Variants in MAPK1IP1L observed in about 807,000 individuals in gnomAD.
MAPK1IP1L encodes the protein MAPK-interacting and spindle-stabilizing protein-like.
In MAPK1IP1L, 10 loss-of-function variants were observed where a neutral mutation model predicts 18.1. The observed-to-expected ratio is 0.55, with a 90% CI of 0.34 to 0.94. The LOEUF is 0.94. Among genes scored for constraint, MAPK1IP1L ranks in the 40% least tolerant of loss-of-function variants. The pLI is 0.02. For synonymous variants in MAPK1IP1L, 115 were observed against 117.3 expected, an observed-to-expected ratio of 0.98 and a Z score of 0.13; for missense variants, 260 against 318.2, an observed-to-expected ratio of 0.82 and a Z score of 1.39.
chr14:55,060,463 C>T (rs937916116), intron 1 of MAPK1IP1L: 1 of 152,226 alleles, frequency 6.6e-6, no homozygotes, highest in African/African-American at 2.4e-5. Flanking sequence ...GCGTGAGCCA[C>T]TGCACCCGGC....
chr14:55,058,375 A>G (rs1192273239), intron 1 of MAPK1IP1L, among the ~76,000 whole-genome samples: 1 of 152,212 alleles, frequency 6.6e-6, no homozygotes, highest in Non-Finnish European at 1.5e-5. Flanking sequence ...TGAACGAACA[A>G]TTAGAAAATA....
intron 1 of MAPK1IP1L, among the ~76,000 whole-genome samples, chr14:55,055,237 G>T (rs904950400): frequency 2.0e-5 from 3 of 152,172 alleles, no homozygotes; most frequent in African/African-American, 7.2e-5. Flanking sequence ...GAGAAGCTGG[G>T]ATTACAGGTG....
At chr14:55,063,868 T>G (rs2042839862) in intron 3 of MAPK1IP1L, 1 of 152,462 alleles carries the variant, frequency 6.6e-6, no homozygotes, top group Admixed American at 6.5e-5. Context: ...CAGTGTGGGG[T>G]TAACATCTTA....
rs769268479 is a variant in MAPK1IP1L, at chr14:55,062,690, C to A, written c.91C>A (p.Pro31Thr). 1 of 1,614,152 alleles carries A rather than the reference C, an allele frequency of 6.2e-7. No individual in the cohort carries two copies. Residue 31 changes from proline (P) to threonine (T), a missense_variant, in exon 3 of 4, where the codon CCT (proline) becomes ACT (threonine). Pro to Thr is a conservative substitution (Grantham distance 38). Transcript: ENST00000395468. Reference protein sequence around the residue: ...AVSNTKPGQPPQGWPGSNPWN... With the variant: ...AVSNTKPGQPTQGWPGSNPWN... ...GAGCAATACAAAACCTGGCCAACCT[C>A]CTCAAGGCTGGCCAGGCTCCAACCC... is the stretch of plus-strand genomic sequence containing the variant.
rs1049188099 is a variant in MAPK1IP1L, at chr14:55,059,524, C to G, written c.-4-2156C>G. On this transcript the variant is annotated intron_variant, in intron 1 of 3. Transcript: ENST00000395468. Reference sequence around the variant, plus strand: ...CCCAGAAGGTCGAGTCTGCAGTGAGCTTATGATGGTGCCACTGCACTCTGG... The same window carrying G: ...CCCAGAAGGTCGAGTCTGCAGTGAGGTTATGATGGTGCCACTGCACTCTGG... Among the ~76,000 whole-genome samples, 6 of 152,232 alleles carry G rather than the reference C, an allele frequency of 3.9e-5. No individual in the cohort carries two copies. In the East Asian group the frequency reaches 1.2e-3, roughly 29 times the overall value.
At chr14:55,055,176 G>A (rs1260615392) in intron 1 of MAPK1IP1L, among the ~76,000 whole-genome samples, 1 of 151,914 alleles carries the variant, frequency 6.6e-6, no homozygotes, top group African/African-American at 2.4e-5. Flanking sequence ...ATATTGCCCA[G>A]GCTGGTCTCT....
chr14:55,051,690 T>A lies in MAPK1IP1L; in HGVS notation c.-118T>A, dbSNP rs748518116. The A allele has an allele frequency of 3.9e-6, 2 of 516,206 alleles. No individual in the cohort carries two copies. Among genetic ancestry groups the A allele is most frequent in the Admixed American group, 3.9e-5 (2 of 51,558 alleles). 32.0% of individuals were successfully genotyped at this position (516,206 alleles called of 1,614,324 possible). ...AGGAGGAGCCGCGCGCTGCTGGTGC[T>A]GTTGCCGCCGCTGCTCTAGCTGCCG... On this transcript the variant is annotated 5_prime_UTR_variant, in exon 1 of 4. Transcript: ENST00000395468.
chr14:55,059,435 C>T (rs2042798521), intron 1 of MAPK1IP1L, among the ~76,000 whole-genome samples: 1 of 151,960 alleles, frequency 6.6e-6, no homozygotes, highest in Admixed American at 6.6e-5. Context: ...AGTTCAAGAC[C>T]AGCCTGGGCA....
chr14:55,054,713 TA>T (rs934777140), intron 1 of MAPK1IP1L, among the ~76,000 whole-genome samples: 9 of 152,226 alleles, frequency 5.9e-5, no homozygotes, highest in African/African-American at 2.2e-4. Flanking sequence ...CCATACTGTT[TA>T]TCACTCCATC....
At chr14:55,052,136 CGGCGGGCGCGACCCGCTAGGA>C (rs2042734367) in intron 1 of MAPK1IP1L, among the ~76,000 whole-genome samples, 1 of 150,494 alleles carries the variant, frequency 6.6e-6, no homozygotes, top group Non-Finnish European at 1.5e-5. Context: ...CACCCCTTCC[CGGCGGGCGCGACCCGCTAGGA>C]GGCCGGTTCG....
At position 55,063,300 on chromosome 14, in the gene MAPK1IP1L, C is replaced by T; in HGVS notation, c.701C>T (p.Ala234Val). 6.2e-7 allele frequency: 1 copy of T among 1,613,044 alleles called. No homozygotes were observed. The highest frequency in any genetic ancestry group is 8.5e-7 in the Non-Finnish European group (1 of 1,179,298). The change falls in exon 3 of 4, where the codon GCT becomes GTT. Residue 234 changes from alanine (A) to valine (V), a missense_variant. Coordinates refer to ENST00000395468, the MANE Select transcript of MAPK1IP1L (RefSeq NM_144578.4). ...PFQVPSGPSGAPPMPGGPHSY... is the reference protein window; with the variant it reads ...PFQVPSGPSGVPPMPGGPHSY... ...CAAGTGCCTTCAGGACCTTCTGGTGCTCCACCAATGCCTGGTGGCCCCCAT... is the reference window on the plus strand; with the variant it reads ...CAAGTGCCTTCAGGACCTTCTGGTGTTCCACCAATGCCTGGTGGCCCCCAT...
chr14:55,064,571 C>T (rs1011736587), intron 3 of MAPK1IP1L, 45 bp from the exon 4 acceptor site: 1 of 1,592,892 alleles, frequency 6.3e-7, no homozygotes, highest in African/African-American at 1.3e-5. Context: ...TAATAAACTC[C>T]ATTTGCAAAA....
rs768538388 is a variant in MAPK1IP1L, at chr14:55,064,615, G to T, written c.727-1G>T. The stretch of plus-strand genomic sequence containing the variant: ...TTGACTTTTTCTTTTTTCTATTGCA[G>T]TCTTACCATTAAGTTAACAATGGAC... On this transcript the variant is annotated splice_acceptor_variant, in intron 3 of 3. Transcript: ENST00000395468. LOFTEE classifies it high-confidence loss of function. 6.2e-7 allele frequency: 1 copy of T among 1,613,006 alleles called. No individual in the cohort carries two copies. Among genetic ancestry groups the T allele is most frequent in the South Asian group, 1.1e-5 (1 of 90,980 alleles).
At chr14:55,064,003 C>CTTTTTTTTT (rs71131249) in intron 3 of MAPK1IP1L, 3 of 76,006 alleles carry the variant, frequency 3.9e-5, no homozygotes, top group East Asian at 5.5e-4. Context: ...TCTGTTAACT[C>CTTTTTTTTT]TTTTTTTTTT....
In MAPK1IP1L at chr14:55,055,916, C is replaced by T. The variant is rs1270420531; in HGVS notation, c.-5+4113C>T. On this transcript the variant is annotated intron_variant, in intron 1 of 3. Transcript: ENST00000395468. ...CTGCACTTTAGCCTGGGTGGCAGAGCGAGACTCCATCTCAAAAACAAAACA... is the reference window on the plus strand; with the variant it reads ...CTGCACTTTAGCCTGGGTGGCAGAGTGAGACTCCATCTCAAAAACAAAACA... 2.6e-5 allele frequency among the ~76,000 whole-genome samples: 4 copies of T among 152,198 alleles called. 1 individual carries two copies. Among genetic ancestry groups the T allele is most frequent in the African/African-American group, 9.6e-5 (4 of 41,528 alleles).
Position 55,055,838 on chromosome 14 carries a change from G to A in MAPK1IP1L, c.-5+4035G>A, listed in dbSNP as rs116321443. Among the ~76,000 whole-genome samples the A allele has an allele frequency of 9.9e-3, 1,509 of 152,266 alleles. 24 individuals are homozygous for A. Among genetic ancestry groups the A allele is most frequent in the African/African-American group, 0.035 (1,447 of 41,538 alleles). On this transcript the variant is annotated intron_variant, in intron 1 of 3. Transcript: ENST00000395468. Reference sequence around the variant, plus strand: ...CCAGCTACTTGAGAGGCTCAGGTAGGAGAATCACTTAAACCTGGGAGGCGG... The same window carrying A: ...CCAGCTACTTGAGAGGCTCAGGTAGAAGAATCACTTAAACCTGGGAGGCGG...
chr14:55,053,962 A>G (rs1028708143), intron 1 of MAPK1IP1L, among the ~76,000 whole-genome samples: 1 of 151,930 alleles, frequency 6.6e-6, no homozygotes, highest in Admixed American at 6.6e-5. Context: ...CAGATTTTGG[A>G]TTTTTTTTAC....
intron 1 of MAPK1IP1L, among the ~76,000 whole-genome samples, chr14:55,053,383 C>T (rs2042745782): frequency 6.6e-6 from 1 of 152,160 alleles, no homozygotes; most frequent in South Asian, 2.1e-4. Flanking sequence ...GCTAGATGTC[C>T]ACATACAAAG....
chr14:55,055,482 C>G (rs184507322), intron 1 of MAPK1IP1L, among the ~76,000 whole-genome samples: 2 of 152,104 alleles, frequency 1.3e-5, no homozygotes, highest in Admixed American at 1.3e-4. Flanking sequence ...TATACACTGC[C>G]GAAGCCTAAG....
Sources: allele counts gnomAD v4.1 joint callset (sites outside exome capture counted in the v4.1 genomes callset), GRCh38; gene constraint gnomAD v4.1.1; transcripts MANE v1.5; gene names NCBI Gene and HGNC (gene_info 2026-07-23, HGNC 2026-07-21).